The following SLC35F4 variants were observed in gnomAD, a reference collection of about 807,000 sequenced individuals.
The protein encoded by SLC35F4 is chromosome 14 open reading frame 36.
Under a neutral mutation model 44.2 loss-of-function variants are expected in SLC35F4, and 24 were observed. The ratio of observed to expected loss-of-function variants is 0.54; its 90% CI spans 0.39 to 0.76. The LOEUF is 0.76. SLC35F4 is among the 30% of genes least tolerant of loss of function. The probability of loss-of-function intolerance (pLI) is 0.00; values close to 1 mark genes in which losing one functional copy is unlikely to be tolerated. For synonymous variants in SLC35F4, 238 were observed against 223.6 expected, an observed-to-expected ratio of 1.06 and a Z score of -0.57; for missense variants, 562 against 586.1, an observed-to-expected ratio of 0.96 and a Z score of 0.42.
intron 1 of SLC35F4, among the ~76,000 whole-genome samples, chr14:57,788,979 G>A (rs145909234): frequency 6.6e-6 from 1 of 152,112 alleles, no homozygotes; most frequent in African/African-American, 2.4e-5. Flanking sequence ...CAAAGATAAA[G>A]TGTACCAGAA....
chr14:57,641,492 C>T (rs1299000575), intron 1 of SLC35F4, among the ~76,000 whole-genome samples: 4 of 151,918 alleles, frequency 2.6e-5, no homozygotes, highest in African/African-American at 9.7e-5. Flanking sequence ...AATCTAGGTA[C>T]ACTTTCTAGC....
intron 1 of SLC35F4, among the ~76,000 whole-genome samples, chr14:57,687,690 A>T (rs1242527453): frequency 1.3e-5 from 2 of 152,140 alleles, no homozygotes; most frequent in Non-Finnish European, 2.9e-5. Context: ...AGACATACAC[A>T]GAGGCAGGTG....
chr14:57,593,622 C>A (rs182116737), intron 2 of SLC35F4, among the ~76,000 whole-genome samples: 16 of 152,260 alleles, frequency 1.1e-4, no homozygotes, highest in East Asian at 7.7e-4. Flanking sequence ...CAGGCTGAGA[C>A]AAAAGATGCA....
At chr14:57,875,752 T>G (rs984224018) in intron 1 of SLC35F4, among the ~76,000 whole-genome samples, 6 of 152,236 alleles carry the variant, frequency 3.9e-5, no homozygotes, top group Non-Finnish European at 7.3e-5. Context: ...CAAAGTAAGT[T>G]GCAGGTTAAC....
At chr14:57,592,720 G>C (rs962244382) in intron 2 of SLC35F4, among the ~76,000 whole-genome samples, 7 of 152,268 alleles carry the variant, frequency 4.6e-5, no homozygotes, top group South Asian at 2.1e-4. Flanking sequence ...TCTCAAATGA[G>C]TAGGACCCTA....
At chr14:57,662,258 T>C (rs970720247) in intron 1 of SLC35F4, among the ~76,000 whole-genome samples, 2 of 152,156 alleles carry the variant, frequency 1.3e-5, no homozygotes, top group Non-Finnish European at 2.9e-5. Flanking sequence ...CTAGTGCCCA[T>C]TGGAAACAAG....
intron 1 of SLC35F4, among the ~76,000 whole-genome samples, chr14:57,921,971 T>C (rs1358946803): frequency 6.6e-6 from 1 of 152,140 alleles, no homozygotes; most frequent in Non-Finnish European, 1.5e-5. Context: ...CCCCAGTGTT[T>C]TGGGGTTGGA....
intron 1 of SLC35F4, among the ~76,000 whole-genome samples, chr14:57,670,734 T>TAA (rs1258042833): frequency 6.6e-6 from 1 of 151,510 alleles, no homozygotes; most frequent in African/African-American, 2.4e-5. Context: ...ATTTTACTGT[T>TAA]ACAGTGGTGA....
intron 1 of SLC35F4, among the ~76,000 whole-genome samples, chr14:57,598,572 G>T (rs1009035471): frequency 6.6e-6 from 1 of 152,180 alleles, no homozygotes; most frequent in Non-Finnish European, 1.5e-5. Flanking sequence ...TCTTTGGAAA[G>T]CACTGGGGGT....
At chr14:57,615,909 T>G (rs1226513361) in intron 1 of SLC35F4, among the ~76,000 whole-genome samples, 2 of 152,194 alleles carry the variant, frequency 1.3e-5, no homozygotes, top group Non-Finnish European at 2.9e-5. Context: ...TAGGGCTCAG[T>G]AGCTGGTTTA....
intron 1 of SLC35F4, among the ~76,000 whole-genome samples, chr14:57,915,565 T>C (rs1472925462): frequency 2.6e-5 from 4 of 152,216 alleles, no homozygotes; most frequent in Non-Finnish European, 5.9e-5. Flanking sequence ...CTTTGCTACT[T>C]AGATGTGACT....
chr14:57,895,680 G>C (rs970911782), intron 1 of SLC35F4, among the ~76,000 whole-genome samples: 1 of 151,884 alleles, frequency 6.6e-6, no homozygotes, highest in Non-Finnish European at 1.5e-5. Flanking sequence ...TGCTATGATC[G>C]TAAGTTTCCT....
At chr14:57,643,149 A>G (rs993989387) in intron 1 of SLC35F4, among the ~76,000 whole-genome samples, 1 of 151,550 alleles carries the variant, frequency 6.6e-6, no homozygotes, top group African/African-American at 2.4e-5. Flanking sequence ...CACCTTCAGA[A>G]AAAAAAAATA....
At chr14:57,979,148 G>T (rs577855042) in intron 1 of SLC35F4, among the ~76,000 whole-genome samples, 39 of 152,326 alleles carry the variant, frequency 2.6e-4, no homozygotes, top group African/African-American at 8.7e-4. Flanking sequence ...AACAATGAAG[G>T]CTGGCTGAGA....
Position 57,810,389 on chromosome 14 carries a change from T to C in SLC35F4, c.103+55334A>G, listed in dbSNP as rs573681648. ...TGGGGAGCATTTGAAGCTGACATTT[T>C]CTATTGCGTGTATCCCTGTGGATTT... On this transcript the variant is annotated intron_variant, in intron 1 of 7. Coordinates refer to ENST00000556826, the MANE Select transcript of SLC35F4 (RefSeq NM_001306087.2). 3.9e-5 allele frequency among the ~76,000 whole-genome samples: 6 copies of C among 152,378 alleles called. No homozygotes were observed. The South Asian group carries it at 1.2e-3, about 32-fold the overall frequency.
chr14:57,826,385 T>C (rs899288657), intron 1 of SLC35F4, among the ~76,000 whole-genome samples: 1 of 152,092 alleles, frequency 6.6e-6, no homozygotes, highest in African/African-American at 2.4e-5. Context: ...AAGACTTAAA[T>C]GTAAAATCTA....
At chr14:57,675,067 A>G (rs565656210) in intron 1 of SLC35F4, among the ~76,000 whole-genome samples, 1 of 152,072 alleles carries the variant, frequency 6.6e-6, no homozygotes, top group Non-Finnish European at 1.5e-5. Context: ...CTTACATAAA[A>G]TTCTAGAGGC....
intron 1 of SLC35F4, among the ~76,000 whole-genome samples, chr14:57,687,593 T>A (rs2075104478): frequency 6.6e-6 from 1 of 152,244 alleles, no homozygotes; most frequent in South Asian, 2.1e-4. Flanking sequence ...GCTAACACTT[T>A]CCCTCTCTAA....
intron 1 of SLC35F4, among the ~76,000 whole-genome samples, chr14:57,785,136 C>T (rs764219259): frequency 6.6e-6 from 1 of 152,170 alleles, no homozygotes; most frequent in South Asian, 2.1e-4. Context: ...GTGCCTCTAA[C>T]CCCTGCCTGT....
Sources: gnomAD v4.1 joint callset for allele counts (sites outside exome capture counted in the v4.1 genomes callset) on GRCh38, gnomAD v4.1.1 for gene constraint, MANE v1.5 for transcripts, NCBI Gene and HGNC (gene_info 2026-07-23, HGNC 2026-07-21) for gene names.